The following HS1BP3 variants were observed in gnomAD, a reference collection of about 807,000 sequenced individuals.
The protein encoded by HS1BP3 is HCLS1 binding protein 3.
A neutral mutation model predicts 33.5 loss-of-function variants in HS1BP3; 32 were observed. The observed-to-expected ratio is 0.95, with a 90% CI of 0.72 to 1.28. The LOEUF (loss-of-function observed/expected upper bound fraction) is 1.28, where lower values mean the gene tolerates loss of function less well. Ranked by LOEUF, HS1BP3 falls within the 50% of genes most tolerant of loss-of-function variation. The pLI, the probability that HS1BP3 is intolerant of heterozygous loss-of-function variation, is 0.00. For synonymous variants in HS1BP3, 187 were observed against 209.2 expected (o/e 0.89, Z 0.92); for missense variants, 486 against 502.3 (o/e 0.97, Z 0.31).
Position 20,603,576 on chromosome 2 carries a change from C to T in HS1BP3, c.179-5311G>A, listed in dbSNP as rs545188730. On this transcript the variant is annotated intron_variant, in intron 2 of 3. Coordinates refer to the HS1BP3 transcript ENST00000415264. ...AGAAAGTAGATTAGTTATTGCTTAACGTTGAGGGGATAGAGAGATTGGGGT... is the reference window on the plus strand; with the variant it reads ...AGAAAGTAGATTAGTTATTGCTTAATGTTGAGGGGATAGAGAGATTGGGGT... 3.9e-5 allele frequency among the ~76,000 whole-genome samples: 6 copies of T among 152,198 alleles called. No individual in the cohort carries two copies. In the South Asian group the frequency reaches 8.3e-4, roughly 21 times the overall value.
chr2:20,625,042 G>A (rs918192012), intron 4 of HS1BP3, 150 bp from the exon 5 acceptor site: 5 of 868,990 alleles, frequency 5.8e-6, no homozygotes, highest in African/African-American at 3.4e-5. Context: ...GGGAAGTCCT[G>A]GAGGGGGCCA....
chr2:20,586,802 C>T (rs2149277592), intron 5 of HS1BP3: 1 of 152,254 alleles, frequency 6.6e-6, no homozygotes, highest in South Asian at 2.1e-4. Context: ...AGATAATCAA[C>T]CAAGAAAGTT....
chr2:20,578,157 T>A (rs748749948), intron 5 of HS1BP3, among the ~76,000 whole-genome samples: 5 of 152,058 alleles, frequency 3.3e-5, no homozygotes, highest in Admixed American at 1.3e-4. Flanking sequence ...CACGTGGCTG[T>A]GCCCTTGAAT....
intron 2 of HS1BP3, among the ~76,000 whole-genome samples, chr2:20,642,486 T>C (rs542743599): frequency 6.6e-6 from 1 of 152,336 alleles, no homozygotes; most frequent in East Asian, 1.9e-4. Flanking sequence ...CACGGACCCC[T>C]TCCCAGAGCG....
At chr2:20,630,011 C>T (rs1192586528) in intron 4 of HS1BP3, among the ~76,000 whole-genome samples, 1 of 152,250 alleles carries the variant, frequency 6.6e-6, no homozygotes, top group African/African-American at 2.4e-5. Flanking sequence ...CAATGGGCAC[C>T]AGCTGCTCAG....
chr2:20,579,710 G>A (rs77166750), intron 5 of HS1BP3, among the ~76,000 whole-genome samples: 35 of 152,304 alleles, frequency 2.3e-4, no homozygotes, highest in Non-Finnish European at 3.8e-4. Flanking sequence ...CAAGTCCCAC[G>A]GGAATACCCT....
At chr2:20,640,612 G>C in intron 3 of HS1BP3, 1 of 487,428 alleles carries the variant, frequency 2.1e-6, no homozygotes, top group Admixed American at 3.4e-5. Context: ...GCTGGTTGGA[G>C]GAGGCAGAGG....
intron 5 of HS1BP3, among the ~76,000 whole-genome samples, chr2:20,575,854 C>T (rs10195722): frequency 0.67 from 102,199 of 152,078 alleles, 39,466 homozygotes; most frequent in East Asian, 0.85. Context: ...GCCCTGATAC[C>T]CACACATGAG....
At chr2:20,612,299 A>G (rs2149286641) in intron 2 of HS1BP3, among the ~76,000 whole-genome samples, 1 of 152,336 alleles carries the variant, frequency 6.6e-6, no homozygotes, top group Non-Finnish European at 1.5e-5. Flanking sequence ...TCCAATCATT[A>G]AATTATCCTA....
At chr2:20,632,648 G>A (rs1210604196) in intron 4 of HS1BP3, among the ~76,000 whole-genome samples, 1 of 152,196 alleles carries the variant, frequency 6.6e-6, no homozygotes. Context: ...TTGCCACAAC[G>A]GGTCCTGGGG....
intron 4 of HS1BP3, among the ~76,000 whole-genome samples, chr2:20,632,693 C>T (rs1181121285): frequency 6.6e-6 from 1 of 152,162 alleles, no homozygotes; most frequent in Non-Finnish European, 1.5e-5. Flanking sequence ...GTGTGACCTC[C>T]CAGATTTCTA....
intron 5 of HS1BP3, among the ~76,000 whole-genome samples, chr2:20,572,480 G>A (rs1262072545): frequency 2.6e-5 from 4 of 152,160 alleles, no homozygotes; most frequent in Middle Eastern, 3.4e-3. Context: ...GCATGATGTC[G>A]TGAAAAACCA....
downstream of HS1BP3, among the ~76,000 whole-genome samples, chr2:20,615,724 G>A (rs920912120): frequency 1.3e-5 from 2 of 152,228 alleles, no homozygotes; most frequent in African/African-American, 4.8e-5. Context: ...TTAAATCACT[G>A]CACCAAGTAT....
At chr2:20,645,962 A>T (rs1341092919) in intron 1 of HS1BP3, among the ~76,000 whole-genome samples, 1 of 152,094 alleles carries the variant, frequency 6.6e-6, no homozygotes, top group East Asian at 1.9e-4. Flanking sequence ...CCTGGGGGGG[A>T]CACGGGACGA....
At chr2:20,649,226 G>C (rs914863721) in intron 1 of HS1BP3, among the ~76,000 whole-genome samples, 2 of 152,062 alleles carry the variant, frequency 1.3e-5, no homozygotes, top group Admixed American at 6.6e-5. Context: ...CCTCTTCACC[G>C]CATCACCTAA....
chr2:20,567,249 C>A (rs1469281033), intron 5 of HS1BP3, among the ~76,000 whole-genome samples: 1 of 152,048 alleles, frequency 6.6e-6, no homozygotes, highest in Non-Finnish European at 1.5e-5. Context: ...TGGGTGACCC[C>A]CGGACTCAAG....
chr2:20,590,436 G>A (rs1317559155), downstream of HS1BP3, among the ~76,000 whole-genome samples: 1 of 152,176 alleles, frequency 6.6e-6, no homozygotes, highest in Non-Finnish European at 1.5e-5. Flanking sequence ...TCTGTAGAAG[G>A]ATGATGGGAC....
At chr2:20,613,439 T>C (rs1694353242), downstream of HS1BP3, among the ~76,000 whole-genome samples, 1 of 152,094 alleles carries the variant, frequency 6.6e-6, no homozygotes, top group Non-Finnish European at 1.5e-5. Context: ...TGCCTATGGC[T>C]CTGAACAGAC....
At chr2:20,573,134 T>G (rs976967241) in intron 5 of HS1BP3, among the ~76,000 whole-genome samples, 3 of 152,156 alleles carry the variant, frequency 2.0e-5, no homozygotes, top group East Asian at 3.9e-4. Context: ...GGGAACAAGA[T>G]CTTACCTGGA....
Sources: allele counts gnomAD v4.1 joint callset (sites outside exome capture counted in the v4.1 genomes callset), GRCh38; gene constraint gnomAD v4.1.1; transcripts MANE v1.5; gene names NCBI Gene and HGNC (gene_info 2026-07-23, HGNC 2026-07-21).